DDX31: variants seen among roughly 807,000 people sequenced by gnomAD.
The protein encoded by DDX31 is ATP-dependent DNA helicase DDX31.
A neutral mutation model predicts 91.3 loss-of-function variants in DDX31; 70 were observed. The ratio of observed to expected loss-of-function variants is 0.77; its 90% CI spans 0.63 to 0.94. The LOEUF is 0.94. DDX31 is among the 40% of genes least tolerant of loss of function. DDX31 has a pLI of 0.00. For missense variants in DDX31, 902 were observed against 925.0 expected (o/e 0.98, Z 0.32); for synonymous variants, 362 against 350.6 (o/e 1.03, Z -0.36).
chr9:132,664,032 G>A (rs764081132), intron 1 of DDX31, among the ~76,000 whole-genome samples: 4 of 152,024 alleles, frequency 2.6e-5, no homozygotes, highest in Non-Finnish European at 5.9e-5. Flanking sequence ...TGACAGTCCC[G>A]GGCAGGTGGA....
At chr9:132,638,381 T>C (rs1833259015) in intron 14 of DDX31, 15 of 1,614,098 alleles carry the variant, frequency 9.3e-6, no homozygotes, top group Non-Finnish European at 1.2e-5. Context: ...TAGGAGGAAA[T>C]AACATTTTGC....
intron 7 of DDX31, among the ~76,000 whole-genome samples, chr9:132,651,795 A>C (rs1443978370): frequency 6.6e-6 from 1 of 152,232 alleles, no homozygotes; most frequent in African/African-American, 2.4e-5. Context: ...CTCGAGAAGT[A>C]GCAAGTTTGC....
At chr9:132,618,879 T>A (rs1831813684) in intron 17 of DDX31, among the ~76,000 whole-genome samples, 1 of 152,222 alleles carries the variant, frequency 6.6e-6, no homozygotes, top group South Asian at 2.1e-4. Context: ...CACTCCACAG[T>A]GACCTGCCTA....
At chr9:132,627,026 G>A (rs1346396620) in intron 16 of DDX31, among the ~76,000 whole-genome samples, 1 of 152,116 alleles carries the variant, frequency 6.6e-6, no homozygotes, top group Non-Finnish European at 1.5e-5. Flanking sequence ...TTTGTGCCTG[G>A]CACCCCGAGG....
At chr9:132,644,197 TAC>T (rs1243262448) in intron 13 of DDX31, among the ~76,000 whole-genome samples, 4 of 152,178 alleles carry the variant, frequency 2.6e-5, no homozygotes, top group African/African-American at 7.2e-5. Flanking sequence ...GGCTAAATAC[TAC>T]ACAGACATTC....
rs2130850072 is a variant in DDX31, at chr9:132,662,612, T to G, written c.159A>C (p.Pro53=). ...AKRRNETSFL[P]AKKTSVKETQ... ...TTTCTTTAACACTAGTTTTCTTGGC[T>G]GGGAGAAATGAAGTTTCGTTCCTCC... The change falls in exon 2 of 20, where the codon CCA becomes CCC. Residue 53 remains proline (P), a synonymous_variant. Transcript: ENST00000372159. The G allele has an allele frequency of 6.2e-7, 1 of 1,614,234 alleles. No homozygotes were observed. Among genetic ancestry groups the G allele is most frequent in the Non-Finnish European group, 8.5e-7 (1 of 1,180,028 alleles).
chr9:132,646,499 A>G (rs1006531788), intron 12 of DDX31, among the ~76,000 whole-genome samples: 2 of 151,960 alleles, frequency 1.3e-5, no homozygotes, highest in Non-Finnish European at 2.9e-5. Context: ...AAATGCCAAG[A>G]CTCTTGGAGA....
chr9:132,641,937 G>A, intron 14 of DDX31, 67 bp downstream of exon 14: 1 of 1,527,740 alleles, frequency 6.5e-7, no homozygotes, highest in Non-Finnish European at 9.1e-7. Flanking sequence ...ACTGTCAAGA[G>A]ACGAAAGATT....
intron 12 of DDX31, 57 bp downstream of exon 12, chr9:132,646,766 C>A (rs1412157631): frequency 5.8e-6 from 9 of 1,558,942 alleles, no homozygotes; most frequent in East Asian, 2.2e-5. Context: ...AATGGCTTAA[C>A]ACAAGAAAGC....
At chr9:132,643,923 A>G (rs148865134) in intron 13 of DDX31, among the ~76,000 whole-genome samples, 1,453 of 144,824 alleles carry the variant, frequency 0.01, 24 homozygotes, top group African/African-American at 0.036. Context: ...TTGGGGTAAG[A>G]AAAAAAAAAA....
intron 17 of DDX31, among the ~76,000 whole-genome samples, chr9:132,618,846 C>T (rs1157941009): frequency 6.6e-6 from 1 of 152,240 alleles, no homozygotes; most frequent in African/African-American, 2.4e-5. Flanking sequence ...ATCAGTGGAA[C>T]ACCGACAATT....
intron 6 of DDX31, among the ~76,000 whole-genome samples, chr9:132,653,026 C>T (rs1245396897): frequency 6.6e-6 from 1 of 151,794 alleles, no homozygotes; most frequent in Non-Finnish European, 1.5e-5. Context: ...TTCTAGAGGT[C>T]CTGGCCCATA....
chr9:132,635,803 G>A (rs2130703058), intron 14 of DDX31, among the ~76,000 whole-genome samples: 1 of 151,858 alleles, frequency 6.6e-6, no homozygotes, highest in Admixed American at 6.5e-5. Context: ...AATTAGCCAG[G>A]CATGGTGGTG....
chr9:132,603,094 G>A (rs1209203434), intron 19 of DDX31, among the ~76,000 whole-genome samples: 1 of 152,198 alleles, frequency 6.6e-6, no homozygotes, highest in African/African-American at 2.4e-5. Flanking sequence ...AGGCCTCAGT[G>A]AGATAATGTG....
rs771141531 is a variant in DDX31 at position 132,645,895 on chromosome 9, C to G, written c.1380G>C (p.Glu460Asp). 6.2e-7 allele frequency: 1 copy of G among 1,611,956 alleles called. No homozygotes were observed. Among genetic ancestry groups the G allele is most frequent in the Non-Finnish European group, 8.5e-7 (1 of 1,179,086 alleles). The change falls in exon 13 of 20, where the codon GAG becomes GAC. Residue 460 changes from glutamate to aspartate, a missense_variant and splice_region_variant. Physicochemically the swap from Glu to Asp is conservative, Grantham distance 45. Coordinates refer to ENST00000372159, the MANE Select transcript of DDX31 (RefSeq NM_022779.9). ...GCTGCACAGGGAGATCAGTGCTCAC[C>G]TCCTGCTCCATGCCGCCATGCAGCC... ...FLRLHGGMEQ[E>D]ERTAVFQEFS...
At chr9:132,652,574 T>C (rs1265804741) in intron 6 of DDX31, 82 bp from the exon 7 acceptor site, 6 of 1,538,528 alleles carry the variant, frequency 3.9e-6, no homozygotes, top group Non-Finnish European at 5.4e-6. Context: ...GGGTGGCCGG[T>C]TGTAGAACAT....
rs369515688 is a variant in DDX31 at position 132,646,202 on chromosome 9, TA to T, written c.1204-132del. ...TAAAGGTGACTATCTTTGAATTATTTAAAAAAACAAAAACAAAAACAGTGAT... is the reference window on the plus strand; with the variant it reads ...TAAAGGTGACTATCTTTGAATTATTTAAAAAACAAAAACAAAAACAGTGAT... On this transcript the variant is annotated intron_variant, in intron 12 of 19. Transcript: ENST00000372159. 4.6e-4 allele frequency: 467 copies of T among 1,023,824 alleles called. 1 individual carries two copies. In the African/African-American group the frequency reaches 6.4e-3, roughly 14 times the overall value. The allele number at this position is 1,023,824 out of a possible 1,614,324, so 63.4% of individuals were successfully genotyped here. A position where few individuals can be genotyped will look rare whatever the true frequency, so the allele number is the denominator to read the frequency against.
At position 132,645,975 on chromosome 9, in the gene DDX31, C is replaced by G. The variant is rs747970225; in HGVS notation, c.1300G>C (p.Gly434Arg). Reference protein sequence around the residue: ...LFLQTLLSSSGAPASGQLPSA... With the variant: ...LFLQTLLSSSRAPASGQLPSA... ...GGCAACTGCCCTGATGCCGGCGCCCCTGAGCTGCTCAGCAGGGTCTGTAGG... is the reference window on the plus strand; with the variant it reads ...GGCAACTGCCCTGATGCCGGCGCCCGTGAGCTGCTCAGCAGGGTCTGTAGG... The change falls in exon 13 of 20, where the codon GGG (glycine) becomes CGG (arginine). Residue 434 changes from glycine (G) to arginine (R), a missense_variant. Physicochemically the swap from Gly to Arg is moderately radical, Grantham distance 125. Transcript: ENST00000372159. 9 of 1,614,084 alleles carry G rather than the reference C, an allele frequency of 5.6e-6. 1 individual carries two copies. The South Asian group carries it at 9.9e-5, about 18-fold the overall frequency.
chr9:132,644,630 C>T (rs917692398), intron 13 of DDX31, among the ~76,000 whole-genome samples: 5 of 152,192 alleles, frequency 3.3e-5, no homozygotes, highest in African/African-American at 4.8e-5. Flanking sequence ...TCTATTACAG[C>T]GAATTCCTAG....
Sources: allele counts gnomAD v4.1 joint callset (sites outside exome capture counted in the v4.1 genomes callset), GRCh38; gene constraint gnomAD v4.1.1; transcripts MANE v1.5; gene names NCBI Gene and HGNC (gene_info 2026-07-23, HGNC 2026-07-21).